The following CCDC102B variants were observed in gnomAD, a reference collection of about 807,000 sequenced individuals.
The protein encoded by CCDC102B is coiled-coil domain containing 102B, also known as coiled-coil domain-containing protein 102B.
Under a neutral mutation model 57.4 loss-of-function variants are expected in CCDC102B, and 75 were observed. The observed-to-expected ratio is 1.31, with a 90% CI of 1.08 to 1.58. CCDC102B has a LOEUF of 1.58. Ranked by LOEUF, CCDC102B falls within the 40% of genes most tolerant of loss-of-function variation. The pLI is 0.00. For synonymous variants in CCDC102B, 206 were observed against 201.9 expected, an observed-to-expected ratio of 1.02 and a Z score of -0.17; for missense variants, 636 against 582.6, an observed-to-expected ratio of 1.09 and a Z score of -0.94.
At chr18:68,920,030 A>G (rs894835004) in intron 6 of CCDC102B, among the ~76,000 whole-genome samples, 3 of 152,100 alleles carry the variant, frequency 2.0e-5, no homozygotes, top group Admixed American at 1.3e-4. Flanking sequence ...AACTTGTGTC[A>G]TGGGGATTTG....
At chr18:68,816,190 T>C (rs1799396063) in intron 1 of CCDC102B, among the ~76,000 whole-genome samples, 2 of 152,214 alleles carry the variant, frequency 1.3e-5, no homozygotes, top group Admixed American at 1.3e-4. Context: ...GGTTTTAGAC[T>C]CTGTATTTTA....
intron 6 of CCDC102B, among the ~76,000 whole-genome samples, chr18:68,927,709 A>G (rs1030046048): frequency 1.3e-5 from 2 of 151,966 alleles, no homozygotes; most frequent in African/African-American, 4.8e-5. Context: ...ACTAACCAAG[A>G]CAGAAATTAC....
intron 2 of CCDC102B, among the ~76,000 whole-genome samples, chr18:68,768,495 C>T (rs991356372): frequency 6.6e-6 from 1 of 152,126 alleles, no homozygotes; most frequent in Admixed American, 6.6e-5. Flanking sequence ...CTTATATTCT[C>T]TTATTTTGCA....
chr18:68,794,426 C>T (rs994718776), upstream of CCDC102B, among the ~76,000 whole-genome samples: 4 of 16,738 alleles, frequency 2.4e-4, no homozygotes, highest in Non-Finnish European at 4.8e-4. Flanking sequence ...GGCTTGGTAA[C>T]ATAGGCTTCA....
Position 68,988,659 on chromosome 18 carries a change from G to A in CCDC102B, c.1264-22275G>A, listed in dbSNP as rs530245965. Reference sequence around the variant, plus strand: ...AAAGAGTACTGGAATCAATGATATGGTTGAAAGTAAAAACTTCATGATTAT... The same window carrying A: ...AAAGAGTACTGGAATCAATGATATGATTGAAAGTAAAAACTTCATGATTAT... On this transcript the variant is annotated intron_variant, in intron 6 of 7. Coordinates refer to ENST00000360242, the MANE Select transcript of CCDC102B (RefSeq NM_024781.3). Among the ~76,000 whole-genome samples, 9 of 152,242 alleles carry A rather than the reference G, an allele frequency of 5.9e-5. No individual in the cohort carries two copies. The East Asian group carries it at 1.7e-3, about 29-fold the overall frequency.
At chr18:68,760,064 C>T (rs1279233829) in intron 2 of CCDC102B, among the ~76,000 whole-genome samples, 1 of 152,098 alleles carries the variant, frequency 6.6e-6, no homozygotes, top group African/African-American at 2.4e-5. Flanking sequence ...GTCCTTCCTT[C>T]TCCATTCTAC....
intron 2 of CCDC102B, among the ~76,000 whole-genome samples, chr18:68,732,012 A>G (rs1416889851): frequency 7.5e-6 from 1 of 134,164 alleles, no homozygotes; most frequent in African/African-American, 2.6e-5. Context: ...TTTTTCTCAC[A>G]TAAAAGTCCT....
At position 69,054,095 on chromosome 18, in the gene CCDC102B, T is replaced by A; in HGVS notation, c.1500T>A (p.Asn500Lys). 6.2e-7 allele frequency: 1 copy of A among 1,607,234 alleles called. No homozygotes were observed. Among genetic ancestry groups the A allele is most frequent in the Non-Finnish European group, 8.5e-7 (1 of 1,178,124 alleles). Residue 500 changes from asparagine to lysine, a missense_variant, in exon 8 of 8, where the codon AAT becomes AAA. Asn to Lys is a moderately conservative substitution (Grantham distance 94). Transcript: ENST00000360242. Reference protein sequence around the residue: ...QRSLDEEKERNENLETELRHL... With the variant: ...QRSLDEEKERKENLETELRHL... ...CTCTGGATGAAGAGAAAGAAAGAAATGAAAACTTAGAGACTGAACTCAGGC... is the reference window on the plus strand; with the variant it reads ...CTCTGGATGAAGAGAAAGAAAGAAAAGAAAACTTAGAGACTGAACTCAGGC...
chr18:68,753,849 A>G (rs1187194065), intron 2 of CCDC102B: 1 of 152,180 alleles, frequency 6.6e-6, no homozygotes, highest in Non-Finnish European at 1.5e-5. Flanking sequence ...GACATGAGCC[A>G]CCACACCCAT....
intron 4 of CCDC102B, among the ~76,000 whole-genome samples, chr18:68,853,063 C>T (rs2038206590): frequency 6.6e-6 from 1 of 152,266 alleles, no homozygotes. Context: ...ACCCAATATT[C>T]TTACTTCCTT....
intron 7 of CCDC102B, among the ~76,000 whole-genome samples, chr18:69,032,680 T>G (rs2052180038): frequency 1.3e-5 from 2 of 152,184 alleles, no homozygotes; most frequent in African/African-American, 4.8e-5. Flanking sequence ...GAAATACTTC[T>G]ACTGCAAGTG....
upstream of CCDC102B, among the ~76,000 whole-genome samples, chr18:68,797,917 T>C (rs2035689573): frequency 6.6e-6 from 1 of 152,128 alleles, no homozygotes; most frequent in Non-Finnish European, 1.5e-5. Flanking sequence ...AAGCTTTGGA[T>C]AACCATACTT....
chr18:68,765,355 AAG>A (rs1491177800), intron 2 of CCDC102B, among the ~76,000 whole-genome samples: 1 of 146,602 alleles, frequency 6.8e-6, no homozygotes, highest in African/African-American at 2.6e-5. Context: ...GAAAGAAAGA[AAG>A]AAAGAAAGAA....
chr18:68,867,288 C>T (rs1568299499), intron 4 of CCDC102B, among the ~76,000 whole-genome samples: 1 of 152,196 alleles, frequency 6.6e-6, no homozygotes, highest in African/African-American at 2.4e-5. Context: ...CCGCGCCCGG[C>T]CTTCCCCTTG....
At chr18:68,746,941 A>G (rs1403476223) in intron 2 of CCDC102B, among the ~76,000 whole-genome samples, 1 of 151,966 alleles carries the variant, frequency 6.6e-6, no homozygotes, top group Non-Finnish European at 1.5e-5. Context: ...TTATTTATTT[A>G]TGTTTTAATT....
At chr18:68,765,320 GGAAGGAAAGAAAGAAA>G (rs1158969371) in intron 2 of CCDC102B, among the ~76,000 whole-genome samples, 141 of 40,612 alleles carry the variant, frequency 3.5e-3, no homozygotes, top group Non-Finnish European at 3.7e-3. Context: ...AAGGAAGGAA[GGAAGGAAAGAAAGAAA>G]GAAAGAAAGA....
chr18:68,783,492 C>A (rs1261187140), intron 2 of CCDC102B, among the ~76,000 whole-genome samples: 2 of 152,102 alleles, frequency 1.3e-5, no homozygotes, highest in African/African-American at 4.8e-5. Context: ...AGGTCCCAAG[C>A]CCTGTGGTCA....
Position 68,880,114 on chromosome 18 carries a change from C to T in CCDC102B, c.1053+5329C>T, listed in dbSNP as rs531318196. Reference sequence around the variant, plus strand: ...GAGGGGGTGGAAGGCTCAGGCATGGCGGGCTGCAGGTCCCGAGCCCTGCCC... The same window carrying T: ...GAGGGGGTGGAAGGCTCAGGCATGGTGGGCTGCAGGTCCCGAGCCCTGCCC... On this transcript the variant is annotated intron_variant, in intron 5 of 7. Transcript: ENST00000360242. Among the ~76,000 whole-genome samples the T allele has an allele frequency of 7.9e-5, 12 of 152,284 alleles. No individual in the cohort carries two copies. The South Asian group carries it at 1.0e-3, about 13-fold the overall frequency.
intron 1 of CCDC102B, among the ~76,000 whole-genome samples, chr18:68,800,968 T>C (rs1159511896): frequency 1.3e-5 from 2 of 152,180 alleles, no homozygotes; most frequent in African/African-American, 2.4e-5. Context: ...TCTTCTTTTT[T>C]TTCAATGAAA....
Sources: gnomAD v4.1 joint callset for allele counts (sites outside exome capture counted in the v4.1 genomes callset) on GRCh38, gnomAD v4.1.1 for gene constraint, MANE v1.5 for transcripts, NCBI Gene and HGNC (gene_info 2026-07-23, HGNC 2026-07-21) for gene names.